Variants in NSUN6 observed in about 807,000 individuals in gnomAD.
NSUN6 encodes the protein NOP2/Sun RNA methyltransferase 6.
A neutral mutation model predicts 58.0 loss-of-function variants in NSUN6; 64 were observed. The ratio of observed to expected loss-of-function variants is 1.10; its 90% CI spans 0.90 to 1.36. NSUN6 has a LOEUF of 1.36. Ranked by LOEUF, NSUN6 falls within the 40% of genes most tolerant of loss-of-function variation. The pLI is 0.00. For synonymous variants in NSUN6, 231 were observed against 193.9 expected, an observed-to-expected ratio of 1.19 and a Z score of -1.59; for missense variants, 701 against 550.1, an observed-to-expected ratio of 1.27 and a Z score of -2.74.
intron 3 of NSUN6, among the ~76,000 whole-genome samples, chr10:18,639,875 A>G (rs2059339305): frequency 6.6e-6 from 1 of 152,238 alleles, no homozygotes; most frequent in Non-Finnish European, 1.5e-5. Flanking sequence ...GTAATCTGGT[A>G]ATATGTCTCC....
At position 18,546,141 on chromosome 10, in the gene NSUN6, G is replaced by A. The variant is rs138636565; in HGVS notation, c.1202C>T (p.Pro401Leu). 1.6e-5 allele frequency: 26 copies of A among 1,608,800 alleles called. No individual in the cohort carries two copies. Among genetic ancestry groups the A allele is most frequent in the South Asian group, 4.4e-5 (4 of 90,946 alleles). Residue 401 changes from proline (P) to leucine (L), a missense_variant, in exon 11 of 11, where the codon CCG (proline) becomes CTG (leucine). Coordinates refer to ENST00000377304, the MANE Select transcript of NSUN6 (RefSeq NM_182543.5). ...FPCLQLQPQEPQIGGEGMRGA... is the reference protein window; with the variant it reads ...FPCLQLQPQELQIGGEGMRGA... ...CCTCATTCCTTCTCCTCCAATCTGCGGTTCCTGTTTGGAGAAAGTGGATCA... is the reference window on the plus strand; with the variant it reads ...CCTCATTCCTTCTCCTCCAATCTGCAGTTCCTGTTTGGAGAAAGTGGATCA...
intron 3 of NSUN6, among the ~76,000 whole-genome samples, chr10:18,632,895 C>G (rs1353242572): frequency 6.6e-6 from 1 of 152,140 alleles, no homozygotes; most frequent in African/African-American, 2.4e-5. Context: ...ACCCAGCCAT[C>G]CCATTACTGG....
rs757132894 is a variant in NSUN6, at chr10:18,545,943, T to C, written c.1400A>G (p.Lys467Arg). The C allele has an allele frequency of 2.6e-6, 4 of 1,566,336 alleles. No individual in the cohort carries two copies. The highest frequency in any genetic ancestry group is 1.2e-5 in the South Asian group (1 of 85,612). ...GCATCCATCCCTCTCCTATGTGCTT[T>C]TGCATTTTACAAATTTTGCAATAAA... ...GFFIAKFVKC[K>R]ST The change falls in exon 11 of 11, where the codon AAA becomes AGA. Residue 467 changes from lysine (K) to arginine (R), a missense_variant. Physicochemically the swap from Lys to Arg is conservative, Grantham distance 26. Transcript: ENST00000377304.
chr10:18,564,212 T>C (rs563907996), intron 8 of NSUN6, among the ~76,000 whole-genome samples: 71 of 150,882 alleles, frequency 4.7e-4, no homozygotes, highest in Admixed American at 8.0e-4. Flanking sequence ...TCCACTGTAA[T>C]ACATTCCATC....
At chr10:18,609,997 G>C (rs375493877) in intron 5 of NSUN6, 71 bp from the exon 6 acceptor site, 1 of 910,918 alleles carries the variant, frequency 1.1e-6, no homozygotes, top group Admixed American at 1.8e-5. Context: ...TTCCAGAAAC[G>C]TTCTCCAATA....
chr10:18,586,408 C>G (rs56410858), intron 7 of NSUN6, among the ~76,000 whole-genome samples: 61,092 of 151,980 alleles, frequency 0.4, 12,922 homozygotes, highest in East Asian at 0.74. Flanking sequence ...TCCTTCCGGT[C>G]GGTTCATGGT....
Position 18,545,983 on chromosome 10 carries a change from C to T in NSUN6, c.1360G>A (p.Asp454Asn). The T allele has an allele frequency of 6.3e-7, 1 of 1,583,028 alleles. No individual in the cohort carries two copies. Among genetic ancestry groups the T allele is most frequent in the Admixed American group, 2.0e-5 (1 of 49,746 alleles). Residue 454 changes from aspartate to asparagine, a missense_variant, in exon 11 of 11, where the codon GAC becomes AAC. Transcript: ENST00000377304. ...REDMLRLANK[D>N]SIGFFIAKFV... is the part of the protein sequence containing the mutation. The stretch of plus-strand genomic sequence containing the variant: ...TTTGCAATAAAAAAACCTATAGAGT[C>T]CTTATTAGCCAGACGCAACATGTCT...
At chr10:18,641,745 A>T (rs1406108888) in intron 3 of NSUN6, among the ~76,000 whole-genome samples, 2 of 152,192 alleles carry the variant, frequency 1.3e-5, no homozygotes, top group Non-Finnish European at 2.9e-5. Flanking sequence ...AATGGGACAC[A>T]GTAGTTTAAC....
intron 8 of NSUN6, among the ~76,000 whole-genome samples, chr10:18,563,618 T>C (rs889574868): frequency 2.0e-5 from 3 of 150,996 alleles, no homozygotes; most frequent in African/African-American, 4.8e-5. Context: ...GCTTTTTCTA[T>C]TCCATTCCAT....
At position 18,545,750 on chromosome 10, in the gene NSUN6, A is replaced by C. The variant is rs560593295; in HGVS notation, c.*183T>G. On this transcript the variant is annotated 3_prime_UTR_variant, in exon 11 of 11. Coordinates refer to ENST00000377304, the MANE Select transcript of NSUN6 (RefSeq NM_182543.5). The stretch of plus-strand genomic sequence containing the variant: ...AAAATCTTTTAAAAACAGAAAATAT[A>C]ATCTCATACCACCCCCTACTTCCTC... 21 of 552,036 alleles carry C rather than the reference A, an allele frequency of 3.8e-5. No homozygotes were observed. Among genetic ancestry groups the C allele is most frequent in the African/African-American group, 2.4e-4 (12 of 50,866 alleles). 34.2% of individuals were successfully genotyped at this position (552,036 alleles called of 1,614,324 possible). A position where few individuals can be genotyped will look rare whatever the true frequency, so the allele number is the denominator to read the frequency against.
chr10:18,656,205 C>G (rs2059776015), upstream of NSUN6, among the ~76,000 whole-genome samples: 1 of 152,112 alleles, frequency 6.6e-6, no homozygotes, highest in Admixed American at 6.6e-5. Flanking sequence ...TCAGTCACAC[C>G]TAATCTGGAG....
At chr10:18,546,502 C>A (rs2054271645) in intron 10 of NSUN6, among the ~76,000 whole-genome samples, 1 of 152,154 alleles carries the variant, frequency 6.6e-6, no homozygotes. Flanking sequence ...ATTTCCTCAT[C>A]TATTAAACAA....
At chr10:18,575,148 G>C (rs1258990974) in intron 8 of NSUN6, among the ~76,000 whole-genome samples, 1 of 152,116 alleles carries the variant, frequency 6.6e-6, no homozygotes. Flanking sequence ...CTACATCAAG[G>C]GACCAATTGG....
chr10:18,577,942 G>C (rs989050778), intron 8 of NSUN6, among the ~76,000 whole-genome samples: 1 of 152,208 alleles, frequency 6.6e-6, no homozygotes, highest in Admixed American at 6.5e-5. Context: ...AGCCATACGC[G>C]TAAGGGATAA....
intron 3 of NSUN6, among the ~76,000 whole-genome samples, chr10:18,630,117 G>A (rs148751687): frequency 0.77 from 91,103 of 118,036 alleles, 35,636 homozygotes; most frequent in East Asian, 0.98. Context: ...AAACTGCTCA[G>A]CTACATGGAA....
rs974003303 is a variant in NSUN6 at position 18,555,229 on chromosome 10, G to T, written c.923-3258C>A. 3.4e-5 allele frequency among the ~76,000 whole-genome samples: 5 copies of T among 148,918 alleles called. No individual in the cohort carries two copies. In the South Asian group the frequency reaches 1.1e-3, roughly 32 times the overall value. On this transcript the variant is annotated intron_variant, in intron 8 of 10. Transcript: ENST00000377304. ...TATGGAATGGAATGGAGGATGAAAT[G>T]GAATAGAGTGGAGAGTATAGAGGAA... is the stretch of plus-strand genomic sequence containing the variant.
At chr10:18,632,068 T>C (rs571293941) in intron 3 of NSUN6, among the ~76,000 whole-genome samples, 2 of 150,058 alleles carry the variant, frequency 1.3e-5, no homozygotes, top group Non-Finnish European at 3.0e-5. Context: ...TATAGATCAA[T>C]GGAACAGAAC....
chr10:18,572,042 T>C (rs2056396379), intron 8 of NSUN6, among the ~76,000 whole-genome samples: 1 of 151,436 alleles, frequency 6.6e-6, no homozygotes, highest in Non-Finnish European at 1.5e-5. Flanking sequence ...CTGCATTCCT[T>C]TCCATTCCAT....
chr10:18,622,345 T>C (rs995101301), intron 3 of NSUN6, among the ~76,000 whole-genome samples: 1 of 152,136 alleles, frequency 6.6e-6, no homozygotes, highest in African/African-American at 2.4e-5. Context: ...CTGGCACACG[T>C]CGTGGATTTC....
Sources: allele counts gnomAD v4.1 joint callset (sites outside exome capture counted in the v4.1 genomes callset), GRCh38; gene constraint gnomAD v4.1.1; transcripts MANE v1.5; gene names NCBI Gene and HGNC (gene_info 2026-07-23, HGNC 2026-07-21).